The following ACADSB variants were observed in gnomAD, a reference collection of about 807,000 sequenced individuals.
The protein encoded by ACADSB is acyl-CoA dehydrogenase short/branched chain.
A neutral mutation model predicts 54.1 loss-of-function variants in ACADSB; 40 were observed. The observed-to-expected ratio is 0.74, with a 90% CI of 0.57 to 0.96. The LOEUF is 0.96. Among genes scored for constraint, ACADSB ranks in the 40% least tolerant of loss-of-function variants. ACADSB has a pLI of 0.00. For synonymous variants in ACADSB, 182 were observed against 182.8 expected (o/e 1.00, Z 0.03); for missense variants, 530 against 510.4 (o/e 1.04, Z -0.37).
intron 2 of ACADSB, 30 bp downstream of exon 2, chr10:123,034,545 C>A (rs368047347): frequency 6.3e-7 from 1 of 1,594,944 alleles, no homozygotes; most frequent in Non-Finnish European, 8.5e-7. Context: ...TCACCTTTTT[C>A]TCCCCAGACA....
At chr10:123,035,552 T>C (rs549283370) in intron 2 of ACADSB, among the ~76,000 whole-genome samples, 13 of 152,272 alleles carry the variant, frequency 8.5e-5, no homozygotes, top group African/African-American at 2.9e-4. Flanking sequence ...AGCACCGGTG[T>C]AGTGGCTCAC....
intron 3 of ACADSB, 53 bp downstream of exon 3, chr10:123,037,900 T>G: frequency 7.8e-7 from 1 of 1,277,854 alleles, no homozygotes; most frequent in Non-Finnish European, 1.1e-6. Context: ...ATTCAGGGAC[T>G]GTAATGATAG....
At chr10:123,042,792 A>T (rs899171402) in intron 5 of ACADSB, among the ~76,000 whole-genome samples, 1 of 152,186 alleles carries the variant, frequency 6.6e-6, no homozygotes, top group African/African-American at 2.4e-5. Context: ...TGACATTCTC[A>T]TGATTATATA....
chr10:123,035,683 T>G (rs1387252356), intron 2 of ACADSB, among the ~76,000 whole-genome samples: 1 of 152,134 alleles, frequency 6.6e-6, no homozygotes, highest in African/African-American at 2.4e-5. Flanking sequence ...CAAGCTCCCG[T>G]GGTTGTGTCA....
intron 8 of ACADSB, among the ~76,000 whole-genome samples, chr10:123,049,144 A>G (rs181609380): frequency 6.6e-6 from 1 of 152,330 alleles, no homozygotes; most frequent in Non-Finnish European, 1.5e-5. Flanking sequence ...TGATCTTAAA[A>G]AGCAACATTA....
At chr10:123,049,539 C>A (rs1850600981) in intron 8 of ACADSB, among the ~76,000 whole-genome samples, 1 of 152,198 alleles carries the variant, frequency 6.6e-6, no homozygotes, top group African/African-American at 2.4e-5. Flanking sequence ...TAATCAGAAT[C>A]TCTGAGTTCC....
At chr10:123,019,231 C>T (rs1054526230) in intron 1 of ACADSB, among the ~76,000 whole-genome samples, 1 of 152,050 alleles carries the variant, frequency 6.6e-6, no homozygotes, top group Non-Finnish European at 1.5e-5. Flanking sequence ...ATCTGATTTG[C>T]CCCTGTGTAA....
At position 123,054,171 on chromosome 10, in the gene ACADSB, T is replaced by C. The variant is rs1850674014; in HGVS notation, c.*406T>C. 4.5e-6 allele frequency: 1 copy of C among 220,014 alleles called. No homozygotes were observed. Among genetic ancestry groups the C allele is most frequent in the Non-Finnish European group, 9.2e-6 (1 of 108,184 alleles). The allele number at this position is 220,014 out of a possible 1,614,324, so 13.6% of individuals were successfully genotyped here. A position where few individuals can be genotyped will look rare whatever the true frequency, so the allele number is the denominator to read the frequency against. On this transcript the variant is annotated 3_prime_UTR_variant, in exon 11 of 11. Transcript: ENST00000358776. Reference sequence around the variant, plus strand: ...CCTCCCAAGTAGCTGGAACTACAGGTGTGCACCACCATGCCTGGTTCATTT... The same window carrying C: ...CCTCCCAAGTAGCTGGAACTACAGGCGTGCACCACCATGCCTGGTTCATTT...
chr10:123,022,934 A>G (rs1394807876), intron 1 of ACADSB, among the ~76,000 whole-genome samples: 1 of 152,180 alleles, frequency 6.6e-6, no homozygotes, highest in Non-Finnish European at 1.5e-5. Flanking sequence ...CATTTATCCC[A>G]TTTACTGTAC....
intron 5 of ACADSB, among the ~76,000 whole-genome samples, chr10:123,041,634 T>A (rs1850475076): frequency 6.6e-6 from 1 of 152,172 alleles, no homozygotes; most frequent in Non-Finnish European, 1.5e-5. Flanking sequence ...AAATATTTGA[T>A]TAAAAAAAAA....
chr10:123,015,965 TGG>T (rs1377465901), intron 1 of ACADSB, among the ~76,000 whole-genome samples: 1 of 152,196 alleles, frequency 6.6e-6, no homozygotes, highest in Non-Finnish European at 1.5e-5. Context: ...TGAGAAGATG[TGG>T]GAATTATCTT....
chr10:123,039,137 A>G (rs933970884), intron 3 of ACADSB, among the ~76,000 whole-genome samples: 2 of 152,210 alleles, frequency 1.3e-5, no homozygotes, highest in African/African-American at 4.8e-5. Context: ...GGGAGAGATT[A>G]GTGACTTTTT....
chr10:123,044,876 G>A (rs894951664), intron 7 of ACADSB, among the ~76,000 whole-genome samples: 20 of 151,818 alleles, frequency 1.3e-4, no homozygotes, highest in African/African-American at 4.8e-4. Context: ...GTGTAGTAAA[G>A]ATATCTATAG....
chr10:123,019,208 C>A (rs1850145196), intron 1 of ACADSB, among the ~76,000 whole-genome samples: 1 of 152,110 alleles, frequency 6.6e-6, no homozygotes, highest in South Asian at 2.1e-4. Context: ...ACAGATAGAT[C>A]CTGCATCTTG....
intron 1 of ACADSB, among the ~76,000 whole-genome samples, chr10:123,021,654 G>A (rs368785798): frequency 1.1e-4 from 16 of 152,180 alleles, no homozygotes; most frequent in South Asian, 8.3e-4. Flanking sequence ...TAGACAAAAC[G>A]TGCAGTAGTT....
intron 1 of ACADSB, among the ~76,000 whole-genome samples, chr10:123,012,889 C>T (rs1455872403): frequency 6.6e-6 from 1 of 152,150 alleles, no homozygotes; most frequent in Non-Finnish European, 1.5e-5. Context: ...TTACAGACAG[C>T]TGATTGGATT....
chr10:123,043,672 G>C (rs1458682464), intron 6 of ACADSB, among the ~76,000 whole-genome samples: 3 of 152,080 alleles, frequency 2.0e-5, no homozygotes, highest in African/African-American at 7.2e-5. Flanking sequence ...CACAGAGCTT[G>C]ATCTTTTTTT....
chr10:123,032,171 G>A (rs1054975355), intron 1 of ACADSB, among the ~76,000 whole-genome samples: 1 of 151,872 alleles, frequency 6.6e-6, no homozygotes, highest in Admixed American at 6.6e-5. Context: ...AGCAGAGATG[G>A]GGTTTCACCA....
chr10:123,024,937 C>G (rs1009295048), intron 1 of ACADSB, among the ~76,000 whole-genome samples: 1 of 152,144 alleles, frequency 6.6e-6, no homozygotes, highest in African/African-American at 2.4e-5. Flanking sequence ...TCTAGGAAAC[C>G]CTTAGGTTCC....
Sources: allele counts gnomAD v4.1 joint callset (sites outside exome capture counted in the v4.1 genomes callset), GRCh38; gene constraint gnomAD v4.1.1; transcripts MANE v1.5; gene names NCBI Gene and HGNC (gene_info 2026-07-23, HGNC 2026-07-21).